The following TULP2 variants were observed in gnomAD, a reference collection of about 807,000 sequenced individuals.
The protein encoded by TULP2 is TUB like protein 2.
In TULP2, 64 loss-of-function variants were observed where a neutral mutation model predicts 60.3. The observed-to-expected ratio is 1.06, with a 90% confidence interval of 0.87 to 1.31. The LOEUF (loss-of-function observed/expected upper bound fraction) is 1.31. TULP2 is among the 50% of genes most tolerant of loss of function. The pLI is 0.00. For synonymous variants in TULP2, 267 were observed against 265.4 expected, an observed-to-expected ratio of 1.01 and a Z score of -0.06; for missense variants, 652 against 667.0, an observed-to-expected ratio of 0.98 and a Z score of 0.25.
chr19:48,885,272 C>A (rs1261476857), intron 9 of TULP2, among the ~76,000 whole-genome samples, 176 bp downstream of exon 9: 1 of 152,142 alleles, frequency 6.6e-6, no homozygotes, highest in Non-Finnish European at 1.5e-5. Flanking sequence ...GAATCCCAGT[C>A]CCTTGCCTGT....
intron 11 of TULP2, among the ~76,000 whole-genome samples, chr19:48,883,175 C>A (rs919953101): frequency 1.8e-4 from 27 of 150,512 alleles, no homozygotes; most frequent in Non-Finnish European, 3.0e-5. Context: ...GCCGAGATCG[C>A]GCCACTGCAC....
rs745963993 is a variant in TULP2 at position 48,885,485 on chromosome 19, G to A, written c.1024C>T (p.Leu342=). 8 of 1,613,912 alleles carry A rather than the reference G, an allele frequency of 5.0e-6. No individual in the cohort carries two copies. The highest frequency in any genetic ancestry group is 5.9e-6 in the Non-Finnish European group (7 of 1,179,980). ...ACGAAATTGTCCCCGTCCCGAGATA[G>A]GTGTGTAGGATCCAGGGAGATGAGG... The part of the protein sequence containing the change: ...NYLISLDPTH[L]SRDGDNFVGK... Residue 342 remains leucine, a synonymous_variant, in exon 9 of 13, where the codon CTA becomes TTA. Coordinates refer to ENST00000221399, the MANE Select transcript of TULP2 (RefSeq NM_003323.3).
chr19:48,894,960 G>T (rs746413787), intron 6 of TULP2, 38 bp downstream of exon 6: 1 of 1,586,798 alleles, frequency 6.3e-7, no homozygotes, highest in Non-Finnish European at 8.6e-7. Flanking sequence ...GCATGAACCA[G>T]GAGATCCCAG....
chr19:48,882,032 G>T lies in TULP2; in HGVS notation c.1447C>A (p.Gln483Lys). ...GCTAAACTGGTTTCCAGGAGCTCAC[G>T]GTGTTTGGGATCCACGATTTGGAAG... ...KNFQIVDPKHQEHLVLQFGRV... is the reference protein window; with the variant it reads ...KNFQIVDPKHKEHLVLQFGRV... Residue 483 changes from glutamine to lysine, a missense_variant and splice_region_variant, in exon 12 of 13, where the codon CAA becomes AAA. Coordinates refer to ENST00000221399, the MANE Select transcript of TULP2 (RefSeq NM_003323.3). 1 of 1,614,198 alleles carries T rather than the reference G, an allele frequency of 6.2e-7. No homozygotes were observed. Among genetic ancestry groups the T allele is most frequent in the Non-Finnish European group, 8.5e-7 (1 of 1,180,038 alleles).
At chr19:48,895,654 C>T (rs1182270033) in intron 4 of TULP2, 151 bp from the exon 5 acceptor site, 9 of 935,018 alleles carry the variant, frequency 9.6e-6, no homozygotes, top group South Asian at 1.7e-5. Context: ...CCGAGGCAGG[C>T]GGATCACCTG....
chr19:48,885,235 CA>C (rs1324812870), intron 9 of TULP2, among the ~76,000 whole-genome samples: 1 of 152,094 alleles, frequency 6.6e-6, no homozygotes, highest in East Asian at 1.9e-4. Context: ...TCACACATTC[CA>C]GGCCTCTTTT....
chr19:48,886,120 C>G lies in TULP2; in HGVS notation c.949-560G>C, dbSNP rs564890019. Reference sequence around the variant, plus strand: ...AGGAGATTGAGACCATCCTGGCTAACACGGTGAAACCCCGTCTCTACTAAA... The same window carrying G: ...AGGAGATTGAGACCATCCTGGCTAAGACGGTGAAACCCCGTCTCTACTAAA... On this transcript the variant is annotated intron_variant, in intron 8 of 12. Coordinates refer to ENST00000221399, the MANE Select transcript of TULP2 (RefSeq NM_003323.3). Among the ~76,000 whole-genome samples the G allele has an allele frequency of 1.5e-4, 23 of 151,980 alleles. No homozygotes were observed. In the East Asian group the frequency reaches 4.5e-3, roughly 30 times the overall value.
In TULP2 at chr19:48,895,368, G is replaced by T; in HGVS notation, c.347C>A (p.Ala116Glu). 1 of 1,613,614 alleles carries T rather than the reference G, an allele frequency of 6.2e-7. No individual in the cohort carries two copies. The highest frequency in any genetic ancestry group is 8.5e-7 in the Non-Finnish European group (1 of 1,179,742). Residue 116 changes from alanine (A) to glutamate (E), a missense_variant and splice_region_variant, in exon 5 of 13, where the codon GCA becomes GAA. Transcript: ENST00000221399. ...ERGLPTPRTE[A>E]VFRNLGLQSP... ...GAGGTCGGTGGACTCGCAAATACCTGCTTCTGTCCGCGGTGTCGGGAGGCC... is the reference window on the plus strand; with the variant it reads ...GAGGTCGGTGGACTCGCAAATACCTTCTTCTGTCCGCGGTGTCGGGAGGCC...
At chr19:48,891,490 C>T (rs1187625943) in intron 6 of TULP2, among the ~76,000 whole-genome samples, 8 of 151,238 alleles carry the variant, frequency 5.3e-5, no homozygotes, top group Non-Finnish European at 1.2e-4. Context: ...ATTAGCAGGG[C>T]GTGGCAGCGT....
chr19:48,896,441 A>G lies in TULP2; in HGVS notation c.200T>C (p.Leu67Ser). The change falls in exon 4 of 13, where the codon TTA (leucine) becomes TCA (serine). Residue 67 changes from leucine (L) to serine (S), a missense_variant. Coordinates refer to ENST00000221399, the MANE Select transcript of TULP2 (RefSeq NM_003323.3). ...WRSCLREERL[L>S]GDRGLGNPFL... ...GGGTCTTTGGTCACCTCTGTCACCT[A>G]AAAGGCGCTCCTCCCGCAGACAAGA... 1 of 1,608,440 alleles carries G rather than the reference A, an allele frequency of 6.2e-7. No individual in the cohort carries two copies. Among genetic ancestry groups the G allele is most frequent in the African/African-American group, 1.3e-5 (1 of 74,782 alleles).
chr19:48,881,529 C>A (rs7260346), intron 12 of TULP2, among the ~76,000 whole-genome samples: 13,649 of 151,846 alleles, frequency 0.09, 673 homozygotes, highest in South Asian at 0.11. Context: ...CTACAGGTGA[C>A]CACCACTACA....
chr19:48,888,044 A>T lies in TULP2; in HGVS notation c.854T>A (p.Met285Lys). 1 of 1,614,188 alleles carries T rather than the reference A, an allele frequency of 6.2e-7. No homozygotes were observed. Among genetic ancestry groups the T allele is most frequent in the Non-Finnish European group, 8.5e-7 (1 of 1,180,030 alleles). ...YVLRPALPGT[M>K]MQCYLTRDKH... Reference sequence around the variant, plus strand: ...GTCACGGGTGAGGTAGCACTGCATCATGGTGCCCGGGAGCGCTGGCCGCAG... The same window carrying T: ...GTCACGGGTGAGGTAGCACTGCATCTTGGTGCCCGGGAGCGCTGGCCGCAG... Residue 285 changes from methionine to lysine, a missense_variant, in exon 8 of 13, where the codon ATG becomes AAG. By Grantham distance (95) the Met-to-Lys change is moderately conservative. Transcript: ENST00000221399.
chr19:48,888,749 G>A (rs970052526), intron 7 of TULP2, among the ~76,000 whole-genome samples: 1 of 151,954 alleles, frequency 6.6e-6, no homozygotes, highest in South Asian at 2.1e-4. Context: ...AGCCTCCCAA[G>A]TAGCTAGGAT....
At chr19:48,883,689 A>C in intron 11 of TULP2, 65 bp downstream of exon 11, 1 of 1,556,288 alleles carries the variant, frequency 6.4e-7, no homozygotes, top group Non-Finnish European at 8.8e-7. Context: ...CTCCTCTGGG[A>C]TCTAGGAGGA....
intron 12 of TULP2, 69 bp from the exon 13 acceptor site, chr19:48,881,195 T>A: frequency 8.2e-5 from 28 of 339,754 alleles, no homozygotes; most frequent in Non-Finnish European, 1.1e-4. Context: ...AACTGAGACT[T>A]TTTTTTTTTT....
rs774444061 is a variant in TULP2 at position 48,896,412 on chromosome 19, C to A, written c.211+18G>T. 6.9e-6 allele frequency: 11 copies of A among 1,593,552 alleles called. No individual in the cohort carries two copies. The highest frequency in any genetic ancestry group is 1.9e-4 in the Middle Eastern group (1 of 5,216). On this transcript the variant is annotated intron_variant, in intron 4 of 12. Transcript: ENST00000221399. ...GCCCCTCCCCTCCAGGCGAACGCCC[C>A]CAGGGGTCTTTGGTCACCTCTGTCA...
chr19:48,889,417 T>C (rs961678198), intron 7 of TULP2, 93 bp downstream of exon 7: 1 of 1,484,636 alleles, frequency 6.7e-7, no homozygotes, highest in African/African-American at 1.4e-5. Context: ...AAAGAGCTTC[T>C]GATTGGGTGG....
chr19:48,881,191 G>GA, intron 12 of TULP2, 65 bp from the exon 13 acceptor site: 13 of 565,050 alleles, frequency 2.3e-5, no homozygotes, highest in East Asian at 8.3e-5. Flanking sequence ...CGAGAACTGA[G>GA]ACTTTTTTTT....
At chr19:48,888,902 G>A (rs974440486) in intron 7 of TULP2, among the ~76,000 whole-genome samples, 2 of 151,830 alleles carry the variant, frequency 1.3e-5, no homozygotes, top group African/African-American at 4.8e-5. Flanking sequence ...GATTACAGGC[G>A]TGAGTCACCG....
Sources: allele counts gnomAD v4.1 joint callset (sites outside exome capture counted in the v4.1 genomes callset), GRCh38; gene constraint gnomAD v4.1.1; transcripts MANE v1.5; gene names NCBI Gene and HGNC (gene_info 2026-07-23, HGNC 2026-07-21).